The following EVC variants were observed in gnomAD, a reference collection of about 807,000 sequenced individuals.
EVC encodes EvC ciliary complex subunit 1, also known as evC complex member EVC.
A neutral mutation model predicts 118.9 loss-of-function variants in EVC; 116 were observed. That is an observed-to-expected ratio of 0.98 (90% CI 0.84 to 1.14). The LOEUF (loss-of-function observed/expected upper bound fraction) is 1.14, where lower values mean the gene tolerates loss of function less well. Ranked by LOEUF, EVC falls within the 50% of genes most tolerant of loss-of-function variation. EVC has a pLI of 0.00. For synonymous variants in EVC, 619 were observed against 534.7 expected (o/e 1.16, Z -2.18); for missense variants, 1,401 against 1,246.4 (o/e 1.12, Z -1.87).
rs1469824689 is a variant in EVC at position 5,812,419 on chromosome 4, C to G, written c.*1382C>G. The G allele has an allele frequency of 6.0e-6, 1 of 166,736 alleles. No homozygotes were observed. Among genetic ancestry groups the G allele is most frequent in the Non-Finnish European group, 1.3e-5 (1 of 79,818 alleles). The allele number at this position is 166,736 out of a possible 1,614,324, so 10.3% of individuals were successfully genotyped here. On this transcript the variant is annotated 3_prime_UTR_variant, in exon 21 of 21. Coordinates refer to ENST00000264956, the MANE Select transcript of EVC (RefSeq NM_153717.3). The stretch of plus-strand genomic sequence containing the variant: ...GAGGCCTTTCCCGCCTGGAGAGAAG[C>G]TTCAGGCCAGCTCCTCACACCACAG...
At chr4:5,806,878 T>C (rs1370468399) in intron 17 of EVC, among the ~76,000 whole-genome samples, 1 of 152,252 alleles carries the variant, frequency 6.6e-6, no homozygotes, top group Admixed American at 6.5e-5. Context: ...ATAGCCATTC[T>C]AACTGGGGTA....
intron 13 of EVC, among the ~76,000 whole-genome samples, chr4:5,795,061 G>T (rs991266358): frequency 6.6e-6 from 1 of 152,146 alleles, no homozygotes; most frequent in African/African-American, 2.4e-5. Flanking sequence ...CAAATAACAT[G>T]ATTTCATTAT....
intron 13 of EVC, among the ~76,000 whole-genome samples, chr4:5,794,776 G>A (rs376185001): frequency 7.2e-5 from 11 of 152,098 alleles, no homozygotes; most frequent in African/African-American, 2.4e-4. Context: ...TAGATTCAGA[G>A]GGCACATGTG....
At chr4:5,825,813 C>T in the EVC span, 1 of 703,376 alleles carries the variant, frequency 1.4e-6, no homozygotes. This position sits in a 1 kb window ranked among gnomAD's most constrained non-coding sequence, Gnocchi z 4.4. Context: ...GACAGGTGCA[C>T]TTCACACACA....
chr4:5,757,478 A>T (rs557039376), intron 11 of EVC, among the ~76,000 whole-genome samples: 1 of 152,366 alleles, frequency 6.6e-6, no homozygotes, highest in African/African-American at 2.4e-5. Context: ...AATACCACTG[A>T]CTGGTGGGTT....
In EVC at chr4:5,810,971, G is replaced by A. The variant is rs370649784; in HGVS notation, c.2913G>A (p.Gln971=). The A allele has an allele frequency of 4.3e-6, 7 of 1,612,626 alleles. No homozygotes were observed. The highest frequency in any genetic ancestry group is 5.9e-6 in the Non-Finnish European group (7 of 1,179,294). ...TTTTAAGCAGCAAAAGGCTGAGTCA[G>A]CAAGAAAGTGAAGCTGGGGACAGTG... The part of the protein sequence containing the change: ...SGSLSSKRLS[Q]QESEAGDSGN... The change falls in exon 21 of 21, where the codon CAG becomes CAA. Residue 971 remains glutamine, a synonymous_variant. Transcript: ENST00000264956.
chr4:5,812,962 C>G lies in EVC; in HGVS notation c.*1925C>G, dbSNP rs1030621755. On this transcript the variant is annotated 3_prime_UTR_variant, in exon 21 of 21. Transcript: ENST00000264956. Reference sequence around the variant, plus strand: ...TAGTGAGCCCTCTGGCTCTGGGAGCCCCTATCTCAGGAATTTTCAGGGTCA... The same window carrying G: ...TAGTGAGCCCTCTGGCTCTGGGAGCGCCTATCTCAGGAATTTTCAGGGTCA... 3 of 152,168 alleles carry G rather than the reference C, an allele frequency of 2.0e-5. No homozygotes were observed. Among genetic ancestry groups the G allele is most frequent in the African/African-American group, 7.2e-5 (3 of 41,428 alleles). 9.4% of individuals were successfully genotyped at this position (152,168 alleles called of 1,614,324 possible). A position where few individuals can be genotyped will look rare whatever the true frequency, so the allele number is the denominator to read the frequency against.
In EVC at chr4:5,741,604, A is replaced by G. The variant is rs376083422; in HGVS notation, c.703-112A>G. 27 of 657,500 alleles carry G rather than the reference A, an allele frequency of 4.1e-5. No individual in the cohort carries two copies. In the East Asian group the frequency reaches 6.7e-4, roughly 16 times the overall value. 40.7% of individuals were successfully genotyped at this position (657,500 alleles called of 1,614,324 possible). On this transcript the variant is annotated intron_variant, in intron 5 of 20. Coordinates refer to ENST00000264956, the MANE Select transcript of EVC (RefSeq NM_153717.3). The stretch of plus-strand genomic sequence containing the variant: ...CGTGAAGAGAGGGTGAAAGAGAAGA[A>G]AAGAAGGAGAGAGGCAGTGGGGGAG...
At chr4:5,775,553 C>G (rs1451225048) in intron 11 of EVC, among the ~76,000 whole-genome samples, 1 of 152,112 alleles carries the variant, frequency 6.6e-6, no homozygotes, top group East Asian at 1.9e-4. Flanking sequence ...GTGCTTTGTC[C>G]CATTGGCCTT....
chr4:5,726,749 G>A (rs1174504319), intron 2 of EVC, among the ~76,000 whole-genome samples: 2 of 122,220 alleles, frequency 1.6e-5, no homozygotes, highest in Non-Finnish European at 3.2e-5. Context: ...AGTCCCCAGA[G>A]TGTGATATTC....
At chr4:5,826,670 A>G in the EVC span, 1 of 152,430 alleles carries the variant, frequency 6.6e-6, no homozygotes, top group South Asian at 2.1e-4. Flanking sequence ...GCACTGGAGA[A>G]CAGCATGTGT....
chr4:5,776,662 C>T (rs567411113), intron 11 of EVC, among the ~76,000 whole-genome samples: 1 of 152,126 alleles, frequency 6.6e-6, no homozygotes, highest in South Asian at 2.1e-4. Flanking sequence ...TGTATGTGCT[C>T]TGTCATTATC....
chr4:5,717,841 G>T (rs1473105485), intron 1 of EVC, among the ~76,000 whole-genome samples: 1 of 152,182 alleles, frequency 6.6e-6, no homozygotes, highest in African/African-American at 2.4e-5. Flanking sequence ...GTTACTCTAG[G>T]ACATGATTGT....
chr4:5,763,566 T>C (rs896091675), intron 11 of EVC, among the ~76,000 whole-genome samples: 2 of 132,496 alleles, frequency 1.5e-5, no homozygotes, highest in Non-Finnish European at 3.2e-5. Context: ...TTGTATCCTC[T>C]TTTATTTCAT....
chr4:5,752,696 G>T, intron 8 of EVC, 140 bp from the exon 9 acceptor site: 2 of 836,920 alleles, frequency 2.4e-6, no homozygotes, highest in Non-Finnish European at 4.1e-6. Flanking sequence ...AGGAGAGGGG[G>T]AGTTCATCCC....
At chr4:5,767,791 G>A (rs972109463) in intron 11 of EVC, among the ~76,000 whole-genome samples, 32 of 152,224 alleles carry the variant, frequency 2.1e-4, no homozygotes, top group Middle Eastern at 3.4e-3. Context: ...ACTGACCTGC[G>A]CCCACTGTCT....
Position 5,797,003 on chromosome 4 carries a change from T to G in EVC, c.1887-19T>G, listed in dbSNP as rs1487466098. The G allele has an allele frequency of 1.3e-5, 21 of 1,592,962 alleles. No individual in the cohort carries two copies. The highest frequency in any genetic ancestry group is 1.8e-5 in the Non-Finnish European group (21 of 1,161,546). ...AAGCCAAGAGCATTGACCCCACCCC[T>G]CACCTGCTTTCCTCAAAGGTCCACG... On this transcript the variant is annotated intron_variant, in intron 13 of 20. Coordinates refer to ENST00000264956, the MANE Select transcript of EVC (RefSeq NM_153717.3).
downstream of EVC, among the ~76,000 whole-genome samples, chr4:5,816,307 C>T (rs547181279): frequency 4.6e-5 from 7 of 152,286 alleles, no homozygotes; most frequent in East Asian, 3.9e-4. Flanking sequence ...GGGTCCCCAA[C>T]GGCAAGGAGC....
chr4:5,765,191 G>A (rs1481215784), intron 11 of EVC, among the ~76,000 whole-genome samples: 2 of 117,622 alleles, frequency 1.7e-5, no homozygotes, highest in Non-Finnish European at 3.7e-5. Flanking sequence ...AGGTTGTTCA[G>A]TTTCCATGTA....
Sources: allele counts gnomAD v4.1 joint callset (sites outside exome capture counted in the v4.1 genomes callset), GRCh38; gene constraint gnomAD v4.1.1; non-coding constraint Gnocchi (gnomAD v3.1); transcripts MANE v1.5; gene names NCBI Gene and HGNC (gene_info 2026-07-23, HGNC 2026-07-21).